CROCC: variants seen among roughly 807,000 people sequenced by gnomAD.
The protein encoded by CROCC is ciliary rootlet coiled-coil, rootletin, also known as rootletin.
CROCC carries 180 observed loss-of-function variants against 245.2 expected under a neutral mutation model. That is an observed-to-expected ratio of 0.73 (90% confidence interval 0.65 to 0.83). The LOEUF is 0.83. Among genes scored for constraint, CROCC ranks in the 40% least tolerant of loss-of-function variants. The probability of loss-of-function intolerance (pLI) is 0.00; values close to 1 mark genes in which losing one functional copy is unlikely to be tolerated. For missense variants in CROCC, 2,688 were observed against 2,779.4 expected, an observed-to-expected ratio of 0.97 and a Z score of 0.74; for synonymous variants, 1,205 against 1,241.6, an observed-to-expected ratio of 0.97 and a Z score of 0.62.
chr1:16,928,171 G>C (rs2075579376), intron 3 of CROCC, among the ~76,000 whole-genome samples: 1 of 152,292 alleles, frequency 6.6e-6, no homozygotes, highest in South Asian at 2.1e-4. Flanking sequence ...GGCTGTAGCA[G>C]GCCAGGTCCT....
intron 8 of CROCC, 131 bp from the exon 9 acceptor site, chr1:16,936,506 T>G (rs1173413372): frequency 2.2e-6 from 2 of 912,604 alleles, no homozygotes; most frequent in Non-Finnish European, 3.3e-6. Context: ...TGACCTCACG[T>G]GATCTGCCCG....
chr1:16,945,087 G>A (rs1286786823), intron 14 of CROCC, among the ~76,000 whole-genome samples: 12 of 152,396 alleles, frequency 7.9e-5, no homozygotes, highest in East Asian at 7.7e-4. Context: ...ACAAAAATTA[G>A]TCAGGCGTGG....
chr1:16,953,319 G>C lies in CROCC; in HGVS notation c.3024G>C (p.Glu1008Asp), dbSNP rs1240472911. The change falls in exon 21 of 37, where the codon GAG becomes GAC. Residue 1008 changes from glutamate (E) to aspartate (D), a missense_variant. Glu to Asp is a conservative substitution (Grantham distance 45). Coordinates refer to ENST00000375541, the MANE Select transcript of CROCC (RefSeq NM_014675.5). ...LQREKEAAWR[E>D]LEAERAQLQS... is the part of the protein sequence containing the mutation. Reference sequence around the variant, plus strand: ...CCCCCTAGGAGGCAGCATGGCGGGAGCTGGAGGCCGAGCGGGCCCAGCTGC... The same window carrying C: ...CCCCCTAGGAGGCAGCATGGCGGGACCTGGAGGCCGAGCGGGCCCAGCTGC... 3 of 1,590,540 alleles carry C rather than the reference G, an allele frequency of 1.9e-6. No individual in the cohort carries two copies. Among genetic ancestry groups the C allele is most frequent in the Admixed American group, 1.8e-5 (1 of 56,654 alleles).
chr1:16,935,219 CT>C (rs1194141305), intron 8 of CROCC, among the ~76,000 whole-genome samples: 1 of 152,216 alleles, frequency 6.6e-6, no homozygotes, highest in Non-Finnish European at 1.5e-5. Flanking sequence ...CTTAAGTGAC[CT>C]TCCAGGGTTA....
chr1:16,969,453 C>A, intron 32 of CROCC, 113 bp downstream of exon 32: 1 of 1,076,652 alleles, frequency 9.3e-7, no homozygotes, highest in Non-Finnish European at 1.4e-6. Flanking sequence ...TCAGTTGGAG[C>A]CAATGAGAGC....
At position 16,955,036 on chromosome 1, in the gene CROCC, A is replaced by T. The variant is rs570359800; in HGVS notation, c.3465+159A>T. On this transcript the variant is annotated intron_variant, in intron 23 of 36. Transcript: ENST00000375541. ...AAGGAGGCAGCAAGCACTACGAAGC[A>T]CCTGTTGTGTACAGGTGGGATTTGG... 3.3e-5 allele frequency among the ~76,000 whole-genome samples: 5 copies of T among 152,298 alleles called. No homozygotes were observed. In the South Asian group the frequency reaches 8.3e-4, roughly 25 times the overall value.
At chr1:16,967,542 G>A (rs1412347810) in intron 30 of CROCC, among the ~76,000 whole-genome samples, 1 of 152,182 alleles carries the variant, frequency 6.6e-6, no homozygotes, top group African/African-American at 2.4e-5. Context: ...CCCCAGACAG[G>A]GCAGGGCTGG....
In CROCC at chr1:16,940,038, G is replaced by A. The variant is rs201365381; in HGVS notation, c.1753G>A (p.Glu585Lys). 1.4e-3 allele frequency: 2,231 copies of A among 1,610,856 alleles called. 2 individuals carry two copies. Among genetic ancestry groups the A allele is most frequent in the Non-Finnish European group, 1.7e-3 (1,991 of 1,179,336 alleles). Residue 585 changes from glutamate (E) to lysine (K), a missense_variant, in exon 13 of 37, where the codon GAG becomes AAG. Transcript: ENST00000375541. ...DKTDGAMQAHEDAQREVQRLR... is the reference protein window; with the variant it reads ...DKTDGAMQAHKDAQREVQRLR... ...GACCGACGGCGCCATGCAGGCCCAC[G>A]AGGACGCCCAGCGCGAGGTGCAGCG... is the stretch of plus-strand genomic sequence containing the variant.
rs776593355 is a variant in CROCC at position 16,953,420 on chromosome 1, T to C, written c.3125T>C (p.Ile1042Thr). 3 of 1,610,778 alleles carry C rather than the reference T, an allele frequency of 1.9e-6. No individual in the cohort carries two copies. The highest frequency in any genetic ancestry group is 1.7e-5 in the Admixed American group (1 of 59,998). The change falls in exon 21 of 37, where the codon ATT (isoleucine) becomes ACT (threonine). Residue 1042 changes from isoleucine (I) to threonine (T), a missense_variant. By Grantham distance (89) the Ile-to-Thr change is moderately conservative. Transcript: ENST00000375541. ...GAGAAGGAAGAGCTGAGTGAGGAGA[T>C]TGCTGCCCTGCAGCAGGAGCGCGAC... ...EAEKEELSEEIAALQQERDEG... is the reference protein window; with the variant it reads ...EAEKEELSEETAALQQERDEG...
chr1:16,968,349 C>A lies in CROCC; in HGVS notation c.5007C>A (p.Arg1669=). The change falls in exon 31 of 37, where the codon CGC becomes CGA. Residue 1669 remains arginine (R), a synonymous_variant. Coordinates refer to ENST00000375541, the MANE Select transcript of CROCC (RefSeq NM_014675.5). ...TTGAGGGGGAGCTGCAGCGCAGCCGCCTGGGCCTCAGTGACCGCGAGGCCC... is the reference window on the plus strand; with the variant it reads ...TTGAGGGGGAGCTGCAGCGCAGCCGACTGGGCCTCAGTGACCGCGAGGCCC... ...RSLEGELQRS[R]LGLSDREAQA... 1 of 1,544,240 alleles carries A rather than the reference C, an allele frequency of 6.5e-7. No individual in the cohort carries two copies. The highest frequency in any genetic ancestry group is 8.7e-7 in the Non-Finnish European group (1 of 1,144,162).
rs186158082 is a variant in CROCC at position 16,954,624 on chromosome 1, G to C, written c.3322-110G>C. On this transcript the variant is annotated intron_variant, in intron 22 of 36. Coordinates refer to ENST00000375541, the MANE Select transcript of CROCC (RefSeq NM_014675.5). The surrounding 1 kb of genome is among the most constrained non-coding windows in gnomAD (Gnocchi z 4.4). ...TTGGCAGAGGGTCCGGCAGGCCAGC[G>C]GGAGGGGCCGTGTTTAGAGCTAAAA... The C allele has an allele frequency of 1.4e-6, 2 of 1,397,124 alleles. No individual in the cohort carries two copies. The highest frequency in any genetic ancestry group is 9.5e-7 in the Non-Finnish European group (1 of 1,047,804). The allele number at this position is 1,397,124 out of a possible 1,614,324, so 86.5% of individuals were successfully genotyped here.
Position 16,971,569 on chromosome 1 carries a change from C to T in CROCC, c.5889C>T (p.Ser1963=), listed in dbSNP as rs759108796. Residue 1963 remains serine, a synonymous_variant, in exon 36 of 37, where the codon AGC becomes AGT. Transcript: ENST00000375541. ...AGCAGGAGGTGGAGCGGCTGCGCAG[C>T]GCCCAGGCGCAGACTGAGCGCACCC... ...ELQQEVERLR[S]AQAQTERTLE... is the part of the protein sequence containing the mutation. 1.7e-5 allele frequency: 26 copies of T among 1,535,946 alleles called. No individual in the cohort carries two copies. The highest frequency in any genetic ancestry group is 2.2e-5 in the Non-Finnish European group (25 of 1,145,522).
intron 2 of CROCC, 124 bp downstream of exon 2, chr1:16,922,922 A>C (rs2075442425): frequency 2.9e-6 from 4 of 1,386,142 alleles, no homozygotes; most frequent in Non-Finnish European, 3.9e-6. Context: ...GCACAGCTTT[A>C]TGACAGAAGA....
chr1:16,955,822 C>G (rs902804536), intron 24 of CROCC, among the ~76,000 whole-genome samples, 175 bp from the exon 25 acceptor site: 1 of 151,912 alleles, frequency 6.6e-6, no homozygotes. Context: ...TGGTCTACCC[C>G]TCCCAGCCGA....
chr1:16,914,568 G>C (rs2075283892), intron 1 of CROCC, among the ~76,000 whole-genome samples: 1 of 152,290 alleles, frequency 6.6e-6, no homozygotes, highest in African/African-American at 2.4e-5. Context: ...GCCCTGCCGA[G>C]TCGGAAGCAT....
rs1248538912 is a variant in CROCC at position 16,939,911 on chromosome 1, T to C, written c.1626T>C (p.Tyr542=). 1.2e-6 allele frequency: 2 copies of C among 1,612,232 alleles called. No homozygotes were observed. The highest frequency in any genetic ancestry group is 3.3e-5 in the Admixed American group (2 of 59,998). ...CACCCCAGGACATGCGTGGGCGCTA[T>C]GAGGCAAGCCAGGACCTACTGGGCA... ...QLQVQDMRGR[Y]EASQDLLGTL... The change falls in exon 13 of 37, where the codon TAT becomes TAC. Residue 542 remains tyrosine (Y), a synonymous_variant. Transcript: ENST00000375541.
rs764397568 is a variant in CROCC at position 16,969,214 on chromosome 1, G to A, written c.5175G>A (p.Arg1725=). ...TGGAGGAAAGCGAGGGGGCCCTGCGGGACAAGGTGCGGGGCCTGACAGAGG... is the reference window on the plus strand; with the variant it reads ...TGGAGGAAAGCGAGGGGGCCCTGCGAGACAAGGTGCGGGGCCTGACAGAGG... ...AKVEESEGAL[R]DKVRGLTEAL... is the part of the protein sequence containing the mutation. Residue 1725 remains arginine (R), a synonymous_variant, in exon 32 of 37, where the codon CGG becomes CGA. Coordinates refer to ENST00000375541, the MANE Select transcript of CROCC (RefSeq NM_014675.5). 6.2e-6 allele frequency: 10 copies of A among 1,610,954 alleles called. No individual in the cohort carries two copies. The East Asian group carries it at 2.2e-4, about 36-fold the overall frequency.
At chr1:16,943,893 A>G (rs941152713) in intron 13 of CROCC, among the ~76,000 whole-genome samples, 7 of 152,384 alleles carry the variant, frequency 4.6e-5, no homozygotes, top group Non-Finnish European at 7.3e-5. Flanking sequence ...AAGTGGGCGG[A>G]CTGGAGAGAA....
chr1:16,959,541 T>C (rs943581505), intron 26 of CROCC, among the ~76,000 whole-genome samples: 2 of 152,136 alleles, frequency 1.3e-5, no homozygotes, highest in African/African-American at 4.8e-5. Context: ...CAGCCGAGCA[T>C]GTATGAAGGG....
Sources: gnomAD v4.1 joint callset for allele counts (sites outside exome capture counted in the v4.1 genomes callset) on GRCh38, gnomAD v4.1.1 for gene constraint, Gnocchi (gnomAD v3.1) non-coding constraint, MANE v1.5 for transcripts, NCBI Gene and HGNC (gene_info 2026-07-23, HGNC 2026-07-21) for gene names.